The following C10orf90 variants were observed in gnomAD, a reference collection of about 807,000 sequenced individuals.
C10orf90 encodes chromosome 10 open reading frame 90.
C10orf90 carries 56 observed loss-of-function variants against 62.5 expected under a neutral mutation model. The observed-to-expected ratio is 0.90, with a 90% CI of 0.72 to 1.12. The LOEUF (loss-of-function observed/expected upper bound fraction) is 1.12, where lower values mean the gene tolerates loss of function less well. C10orf90 is among the 50% of genes most tolerant of loss of function. C10orf90 has a pLI of 0.00. For synonymous variants in C10orf90, 386 were observed against 340.4 expected, an observed-to-expected ratio of 1.13 and a Z score of -1.47; for missense variants, 970 against 880.4, an observed-to-expected ratio of 1.10 and a Z score of -1.29.
intron 4 of C10orf90, among the ~76,000 whole-genome samples, chr10:126,481,442 A>T (rs1230652158): frequency 6.6e-6 from 1 of 152,260 alleles, no homozygotes; most frequent in East Asian, 1.9e-4. Context: ...CTAATGGCTC[A>T]TGTCAAGTGA....
intron 2 of C10orf90, among the ~76,000 whole-genome samples, chr10:126,615,051 C>T (rs1845512992): frequency 6.6e-6 from 1 of 152,120 alleles, no homozygotes; most frequent in African/African-American, 2.4e-5. Context: ...TGCCTGGGTC[C>T]TCGGCTGGGA....
chr10:126,531,159 G>A (rs2133955249), intron 2 of C10orf90, among the ~76,000 whole-genome samples: 1 of 150,070 alleles, frequency 6.7e-6, no homozygotes, highest in African/African-American at 2.5e-5. Context: ...GGCCAAAAGA[G>A]TGAGACTCCA....
chr10:126,471,995 C>T (rs369382598), intron 4 of C10orf90, among the ~76,000 whole-genome samples: 4 of 152,082 alleles, frequency 2.6e-5, no homozygotes, highest in Admixed American at 1.3e-4. Flanking sequence ...GACTACATTG[C>T]GAACATGATC....
intron 2 of C10orf90, among the ~76,000 whole-genome samples, chr10:126,530,322 T>C (rs565046982): frequency 6.6e-6 from 1 of 151,136 alleles, no homozygotes; most frequent in South Asian, 2.1e-4. Context: ...AAAAGGCAGT[T>C]CTTAAAAAAA....
At chr10:126,519,606 A>G (rs1371366743) in intron 2 of C10orf90, among the ~76,000 whole-genome samples, 1 of 152,206 alleles carries the variant, frequency 6.6e-6, no homozygotes, top group African/African-American at 2.4e-5. Context: ...AATTTTCACC[A>G]TCCTTTTAAA....
chr10:126,457,594 G>T (rs1435111235), intron 7 of C10orf90, among the ~76,000 whole-genome samples: 1 of 152,176 alleles, frequency 6.6e-6, no homozygotes, highest in Non-Finnish European at 1.5e-5. Context: ...GAGCTCTAAA[G>T]TGGCATCATT....
intron 7 of C10orf90, among the ~76,000 whole-genome samples, chr10:126,454,568 T>A (rs1232335776): frequency 1.3e-5 from 2 of 151,632 alleles, no homozygotes; most frequent in Non-Finnish European, 2.9e-5. Context: ...GTACCCCTAC[T>A]GCCTGCAGAG....
intron 2 of C10orf90, among the ~76,000 whole-genome samples, chr10:126,595,418 G>A (rs898831609): frequency 1.3e-5 from 2 of 152,272 alleles, no homozygotes; most frequent in Non-Finnish European, 2.9e-5. Context: ...CTCTGCAAGT[G>A]ACAGCATCAG....
chr10:126,662,222 G>A (rs1287200233), intron 1 of C10orf90, among the ~76,000 whole-genome samples: 1 of 152,064 alleles, frequency 6.6e-6, no homozygotes, highest in Non-Finnish European at 1.5e-5. Flanking sequence ...TAGTTTAGCC[G>A]CACTACTAAG....
chr10:126,447,901 G>A (rs778495992), intron 7 of C10orf90, among the ~76,000 whole-genome samples: 27 of 151,898 alleles, frequency 1.8e-4, no homozygotes, highest in Admixed American at 5.2e-4. Context: ...GGTTGGAGTG[G>A]AGTGCAGTGG....
At chr10:126,644,446 A>C (rs1846125244) in intron 2 of C10orf90, among the ~76,000 whole-genome samples, 1 of 152,242 alleles carries the variant, frequency 6.6e-6, no homozygotes, top group Non-Finnish European at 1.5e-5. Context: ...GGGAAGCGTG[A>C]AACCCATTTA....
intron 7 of C10orf90, among the ~76,000 whole-genome samples, chr10:126,446,217 T>C (rs368720112): frequency 1.3e-5 from 2 of 152,142 alleles, no homozygotes; most frequent in East Asian, 1.9e-4. Context: ...AGAAAGCTTA[T>C]TTAAAAATGT....
At chr10:126,582,415 G>T (rs1346258964) in intron 2 of C10orf90, among the ~76,000 whole-genome samples, 1 of 152,186 alleles carries the variant, frequency 6.6e-6, no homozygotes, top group Non-Finnish European at 1.5e-5. Flanking sequence ...TGAAACCTAA[G>T]GACACTTATG....
In C10orf90 at chr10:126,453,132, C is replaced by T. The variant is rs182556022; in HGVS notation, c.2188+5908G>A. ...AAGAAGATTTGTTGGAGAAGGAATT[C>T]TGCCGTGCCTTCCAGAGAATTCCAT... is the stretch of plus-strand genomic sequence containing the variant. On this transcript the variant is annotated intron_variant, in intron 7 of 9. Transcript: ENST00000488181. This position sits in a 1 kb window ranked among gnomAD's most constrained non-coding sequence, Gnocchi z 4.9. Among the ~76,000 whole-genome samples the T allele has an allele frequency of 2.3e-3, 343 of 152,302 alleles. 2 individuals are homozygous for T. The highest frequency in any genetic ancestry group is 7.9e-3 in the South Asian group (38 of 4,824).
intron 2 of C10orf90, among the ~76,000 whole-genome samples, chr10:126,629,918 T>C (rs958401716): frequency 6.6e-6 from 1 of 152,212 alleles, no homozygotes; most frequent in Non-Finnish European, 1.5e-5. Context: ...CCAATGATCA[T>C]CTGTAAACCT....
chr10:126,564,835 T>TATATATA (rs1281945006), intron 2 of C10orf90, among the ~76,000 whole-genome samples: 56 of 3,204 alleles, frequency 0.017, 16 homozygotes, highest in African/African-American at 0.048. Context: ...TCTCTCTCTA[T>TATATATA]ATATATATTA....
chr10:126,581,648 T>C (rs535648716), intron 2 of C10orf90, among the ~76,000 whole-genome samples: 1 of 152,342 alleles, frequency 6.6e-6, no homozygotes, highest in Admixed American at 6.5e-5. Flanking sequence ...GTAGTTCACA[T>C]TGGCCAGTGT....
intron 7 of C10orf90, among the ~76,000 whole-genome samples, chr10:126,445,521 T>C (rs1858705619): frequency 6.6e-6 from 1 of 152,152 alleles, no homozygotes; most frequent in East Asian, 1.9e-4. Flanking sequence ...ACAGTAGATG[T>C]TGGCGTGGAT....
At chr10:126,565,831 A>C (rs979231284) in intron 2 of C10orf90, among the ~76,000 whole-genome samples, 2 of 152,162 alleles carry the variant, frequency 1.3e-5, no homozygotes, top group Non-Finnish European at 2.9e-5. Context: ...CGCTGTTTTG[A>C]GACTGAGTGA....
Sources: gnomAD v4.1 joint callset for allele counts (sites outside exome capture counted in the v4.1 genomes callset) on GRCh38, gnomAD v4.1.1 for gene constraint, Gnocchi (gnomAD v3.1) non-coding constraint, MANE v1.5 for transcripts, NCBI Gene and HGNC (gene_info 2026-07-23, HGNC 2026-07-21) for gene names.